The following CYFIP1 variants were observed in gnomAD, a reference collection of about 807,000 sequenced individuals.
The protein encoded by CYFIP1 is cytoplasmic FMR1-interacting protein 1.
A neutral mutation model predicts 163.5 loss-of-function variants in CYFIP1; 58 were observed. The ratio of observed to expected loss-of-function variants is 0.35; its 90% confidence interval spans 0.29 to 0.44. The LOEUF (loss-of-function observed/expected upper bound fraction) is 0.44. CYFIP1 is among the 20% of genes least tolerant of loss of function. The pLI is 1.00. For missense variants in CYFIP1, 1,338 were observed against 1,653.8 expected (o/e 0.81, Z 3.31); for synonymous variants, 663 against 660.7 (o/e 1.00, Z -0.05).
At chr15:22,935,419 T>C (rs976010081) in intron 9 of CYFIP1, among the ~76,000 whole-genome samples, 2 of 152,072 alleles carry the variant, frequency 1.3e-5, no homozygotes, top group African/African-American at 2.4e-5. Context: ...CGCGCAGAAG[T>C]CAGTTCCAGG....
Position 22,869,665 on chromosome 15 carries a change from C to CTGGCAAGGGAGTTAT in CYFIP1, c.*362_*363insATAACTCCCTTGCCA, listed in dbSNP as rs2059365957. ...TCCCTAAACAAAAGCTAAATAGTTA[C>CTGGCAAGGGAGTTAT]AGTTAATGGTAACTGGCAAGGGATT... On this transcript the variant is annotated 3_prime_UTR_variant, in exon 31 of 31. Transcript: ENST00000617928. The CTGGCAAGGGAGTTAT allele has an allele frequency of 6.2e-6, 1 of 161,674 alleles. No homozygotes were observed. The highest frequency in any genetic ancestry group is 2.4e-5 in the African/African-American group (1 of 41,672). The allele number at this position is 161,674 out of a possible 1,614,324, so 10.0% of individuals were successfully genotyped here. A position where few individuals can be genotyped will look rare whatever the true frequency, so the allele number is the denominator to read the frequency against.
At chr15:22,963,521 T>TAACATAACATAACATAACA (rs2062770672) in intron 1 of CYFIP1, among the ~76,000 whole-genome samples, 2 of 145,124 alleles carry the variant, frequency 1.4e-5, no homozygotes, top group African/African-American at 5.1e-5. Flanking sequence ...TAACATAACA[T>TAACATAACATAACATAACA]AACATAACAT....
rs1214264170 is a variant in CYFIP1 at position 22,873,475 on chromosome 15, C to G, written c.3449+16G>C. 2 of 1,605,154 alleles carry G rather than the reference C, an allele frequency of 1.2e-6. No homozygotes were observed. The stretch of plus-strand genomic sequence containing the variant: ...CCCTCCTCTGGGGCTTTGTCCTGCT[C>G]TCAGCACACACTTACTCGACTGTGA... On this transcript the variant is annotated intron_variant, in intron 29 of 30. Transcript: ENST00000617928.
intron 25 of CYFIP1, 59 bp downstream of exon 25, chr15:22,881,787 T>C: frequency 8.6e-6 from 13 of 1,520,290 alleles, no homozygotes; most frequent in Non-Finnish European, 1.2e-5. Context: ...ATTTCTGACT[T>C]GAATTCCTTT....
At chr15:22,959,344 G>A (rs2062595394) in intron 1 of CYFIP1, among the ~76,000 whole-genome samples, 1 of 152,238 alleles carries the variant, frequency 6.6e-6, no homozygotes, top group African/African-American at 2.4e-5. Flanking sequence ...CTTTCTGTTA[G>A]GGCAGACCCA....
At position 22,932,283 on chromosome 15, in the gene CYFIP1, G is replaced by C. The variant is rs767949592; in HGVS notation, c.1050C>G (p.Ile350Met). 13 of 1,613,072 alleles carry C rather than the reference G, an allele frequency of 8.1e-6. No individual in the cohort carries two copies. In the East Asian group the frequency reaches 2.7e-4, roughly 33 times the overall value. The change falls in exon 11 of 31, where the codon ATC (isoleucine) becomes ATG (methionine). Residue 350 changes from isoleucine to methionine, a missense_variant. This residue lies in a region of CYFIP1 where 824 missense variants were observed against 995.7 expected (regional missense o/e 0.83). Coordinates refer to ENST00000617928, the MANE Select transcript of CYFIP1 (RefSeq NM_014608.6). ...AGCGCATGTGGTCCTCGCGGATCTG[G>C]ATCATCTGCTCGCAGATGTTGTACT... ...SPQYNICEQM[I>M]QIREDHMRFI...
chr15:22,948,613 A>C (rs1433298622), intron 1 of CYFIP1, among the ~76,000 whole-genome samples: 1 of 152,214 alleles, frequency 6.6e-6, no homozygotes, highest in East Asian at 1.9e-4. Flanking sequence ...AAAGAGAATC[A>C]ACAGATGCCA....
In CYFIP1 at chr15:22,925,990, G is replaced by A; in HGVS notation, c.1351C>T (p.Leu451=). 2 of 1,613,814 alleles carry A rather than the reference G, an allele frequency of 1.2e-6. No homozygotes were observed. Among genetic ancestry groups the A allele is most frequent in the South Asian group, 2.2e-5 (2 of 91,034 alleles). The change falls in exon 13 of 31, where the codon CTA becomes TTA. Residue 451 remains leucine (L), a synonymous_variant. Coordinates refer to ENST00000617928, the MANE Select transcript of CYFIP1 (RefSeq NM_014608.6). ...YNYTSEEKFA[L]VEVIAMIKGL... is the part of the protein sequence containing the mutation. The stretch of plus-strand genomic sequence containing the variant: ...CGGCCGAGCATCCTCACCTCCACTA[G>A]GGCAAACTTCTCCTCGCTGGTGTAG...
chr15:22,922,627 G>A (rs1277902263), intron 13 of CYFIP1, among the ~76,000 whole-genome samples: 3 of 152,164 alleles, frequency 2.0e-5, no homozygotes, highest in South Asian at 2.1e-4. Flanking sequence ...CTTGTCAAAC[G>A]CTGTATAAAA....
In CYFIP1 at chr15:22,939,107, A is replaced by C; in HGVS notation, c.795+85T>G. 2.6e-6 allele frequency: 4 copies of C among 1,545,514 alleles called. No homozygotes were observed. The East Asian group carries it at 9.0e-5, about 35-fold the overall frequency. ...CATGCAAATAAGACACAGCTGTCAA[A>C]AGGATTCTAGATAAAGCACAGCCTA... On this transcript the variant is annotated intron_variant, in intron 8 of 30. Transcript: ENST00000617928.
chr15:22,960,280 A>G (rs1168002073), intron 1 of CYFIP1, among the ~76,000 whole-genome samples: 1 of 152,148 alleles, frequency 6.6e-6, no homozygotes, highest in African/African-American at 2.4e-5. Flanking sequence ...CATCAACCTC[A>G]CCAGCTTCCT....
intron 6 of CYFIP1, among the ~76,000 whole-genome samples, chr15:22,940,707 G>C (rs923708926): frequency 1.3e-5 from 2 of 152,202 alleles, no homozygotes; most frequent in Non-Finnish European, 2.9e-5. Flanking sequence ...ACAGTTAAAC[G>C]TAATATTAAC....
intron 25 of CYFIP1, among the ~76,000 whole-genome samples, chr15:22,881,188 G>C (rs1250485284): frequency 1.3e-5 from 2 of 152,180 alleles, no homozygotes; most frequent in Non-Finnish European, 2.9e-5. Context: ...TGCCCATCAG[G>C]ACAGTGCCTC....
At chr15:22,946,357 C>T (rs951365951) in intron 3 of CYFIP1, among the ~76,000 whole-genome samples, 6 of 151,642 alleles carry the variant, frequency 4.0e-5, no homozygotes, top group African/African-American at 1.2e-4. Flanking sequence ...AAATGCAGAA[C>T]TAGCTAGGTG....
At chr15:22,938,134 G>A (rs1461119633) in intron 8 of CYFIP1, among the ~76,000 whole-genome samples, 1 of 152,166 alleles carries the variant, frequency 6.6e-6, no homozygotes, top group African/African-American at 2.4e-5. Flanking sequence ...GAGAGCAAAG[G>A]GAACAGCCGA....
intron 14 of CYFIP1, 133 bp from the exon 15 acceptor site, chr15:22,918,068 TGGAGGGATGTG>T: frequency 2.0e-6 from 2 of 1,017,478 alleles, no homozygotes; most frequent in Admixed American, 5.2e-5. Context: ...CTGGGGGCCA[TGGAGGGATGTG>T]GTAATGGACC....
At chr15:22,883,076 T>TGA in intron 23 of CYFIP1, 65 bp from the exon 24 acceptor site, 1 of 1,564,472 alleles carries the variant, frequency 6.4e-7, no homozygotes, top group Non-Finnish European at 8.7e-7. Context: ...AAGAACTGTG[T>TGA]GAGAAGATCA....
At position 22,908,518 on chromosome 15, in the gene CYFIP1, C is replaced by CTTTT. The variant is rs58565266; in HGVS notation, c.2388+672_2388+675dup. The stretch of plus-strand genomic sequence containing the variant: ...CTCTTGGTCCCTAAAGAAGATATTT[C>CTTTT]TTTTTTTTTTTTTTTTTTTTTTTTT... On this transcript the variant is annotated intron_variant, in intron 21 of 30. Coordinates refer to ENST00000617928, the MANE Select transcript of CYFIP1 (RefSeq NM_014608.6). 1.9e-3 allele frequency among the ~76,000 whole-genome samples: 146 copies of CTTTT among 75,492 alleles called. 19 individuals carry two copies. In the East Asian group the frequency reaches 0.033, roughly 17 times the overall value. The allele number at this position is 75,492 out of a possible 152,430, so 49.5% of individuals were successfully genotyped here.
chr15:22,889,796 A>C (rs2060023547), intron 23 of CYFIP1, among the ~76,000 whole-genome samples: 2 of 152,200 alleles, frequency 1.3e-5, no homozygotes, highest in Admixed American at 6.5e-5. Flanking sequence ...TTTCAAAGTC[A>C]AGAGAAGCCC....
Sources: gnomAD v4.1 joint callset for allele counts (sites outside exome capture counted in the v4.1 genomes callset) on GRCh38, gnomAD v4.1.1 for gene constraint, gnomAD v4.1.1 regional missense constraint, MANE v1.5 for transcripts, NCBI Gene and HGNC (gene_info 2026-07-23, HGNC 2026-07-21) for gene names.